CADPS: variants seen among roughly 807,000 people sequenced by gnomAD.
The protein encoded by CADPS is calcium-dependent secretion activator 1.
CADPS carries 57 observed loss-of-function variants against 167.3 expected under a neutral mutation model. That is an observed-to-expected ratio of 0.34 (90% CI 0.28 to 0.42). The LOEUF (loss-of-function observed/expected upper bound fraction) is 0.42, where lower values mean the gene tolerates loss of function less well. Among genes scored for constraint, CADPS ranks in the 20% least tolerant of loss-of-function variants. The probability of loss-of-function intolerance (pLI) is 1.00; values close to 1 mark genes in which losing one functional copy is unlikely to be tolerated. For synonymous variants in CADPS, 676 were observed against 635.3 expected (o/e 1.06, Z -0.96); for missense variants, 1,414 against 1,738.1 (o/e 0.81, Z 3.32).
intron 6 of CADPS, among the ~76,000 whole-genome samples, chr3:62,599,356 T>G (rs971732210): frequency 6.6e-6 from 1 of 150,498 alleles, no homozygotes; most frequent in African/African-American, 2.4e-5. Flanking sequence ...TGCCAGGCCC[T>G]GGGCTTAGTG....
intron 3 of CADPS, among the ~76,000 whole-genome samples, chr3:62,665,349 A>G (rs1012227021): frequency 2.0e-5 from 3 of 152,204 alleles, no homozygotes; most frequent in Non-Finnish European, 1.5e-5. Flanking sequence ...AAAATTCCAC[A>G]TGTGAAACAA....
At chr3:62,840,070 T>C (rs530406682) in intron 1 of CADPS, among the ~76,000 whole-genome samples, 4 of 152,272 alleles carry the variant, frequency 2.6e-5, no homozygotes, top group Non-Finnish European at 2.9e-5. Flanking sequence ...CTAACAAAGA[T>C]TAAATTTGAT....
At chr3:62,502,645 G>A (rs1487934551) in intron 17 of CADPS, among the ~76,000 whole-genome samples, 1 of 152,132 alleles carries the variant, frequency 6.6e-6, no homozygotes, top group African/African-American at 2.4e-5. Context: ...TCTCAGCTTA[G>A]TGTTCCAAAC....
intron 6 of CADPS, among the ~76,000 whole-genome samples, chr3:62,608,409 A>G (rs745350031): frequency 6.6e-6 from 1 of 151,678 alleles, no homozygotes; most frequent in African/African-American, 2.4e-5. Flanking sequence ...CAAACTCCTG[A>G]GTAGCTGGGA....
intron 24 of CADPS, among the ~76,000 whole-genome samples, chr3:62,472,314 T>G (rs2060723237): frequency 6.6e-6 from 1 of 152,184 alleles, no homozygotes; most frequent in Non-Finnish European, 1.5e-5. Context: ...ACTACAAAAT[T>G]GTACATGTTA....
intron 17 of CADPS, among the ~76,000 whole-genome samples, chr3:62,505,420 C>A (rs1159822710): frequency 2.6e-5 from 4 of 152,176 alleles, no homozygotes; most frequent in African/African-American, 9.7e-5. Flanking sequence ...CAGTCTACCT[C>A]CAAAATGTCT....
At chr3:62,777,312 T>G (rs966327112) in intron 1 of CADPS, among the ~76,000 whole-genome samples, 5 of 152,290 alleles carry the variant, frequency 3.3e-5, no homozygotes, top group Non-Finnish European at 7.3e-5. Context: ...TTGATTTAGA[T>G]AAGAACATTA....
intron 3 of CADPS, among the ~76,000 whole-genome samples, chr3:62,675,670 C>G (rs533188902): frequency 6.6e-6 from 1 of 152,040 alleles, no homozygotes; most frequent in Non-Finnish European, 1.5e-5. Context: ...CCTAGGGTCT[C>G]GTAATCTAAT....
intron 2 of CADPS, among the ~76,000 whole-genome samples, chr3:62,765,407 A>G (rs2086582754): frequency 6.6e-6 from 1 of 152,164 alleles, no homozygotes; most frequent in African/African-American, 2.4e-5. Context: ...TTTTTAAAAA[A>G]AGAATAAGGA....
chr3:62,415,116 C>T (rs1318257856), intron 28 of CADPS, among the ~76,000 whole-genome samples: 1 of 151,712 alleles, frequency 6.6e-6, no homozygotes, highest in East Asian at 1.9e-4. Context: ...ACTTCTTTCC[C>T]TCTTTCTCTA....
chr3:62,858,456 G>A (rs544143348), intron 1 of CADPS, among the ~76,000 whole-genome samples: 1 of 152,268 alleles, frequency 6.6e-6, no homozygotes, highest in South Asian at 2.1e-4. Flanking sequence ...CTGTGAGCCA[G>A]CTGTATTCCA....
At chr3:62,864,314 T>C (rs531132712) in intron 1 of CADPS, among the ~76,000 whole-genome samples, 2 of 152,160 alleles carry the variant, frequency 1.3e-5, no homozygotes, top group East Asian at 1.9e-4. Context: ...GTAGAGATGT[T>C]AGTAGCTAAA....
intron 6 of CADPS, among the ~76,000 whole-genome samples, chr3:62,616,704 A>T (rs1425464614): frequency 6.6e-6 from 1 of 152,194 alleles, no homozygotes; most frequent in East Asian, 1.9e-4. Context: ...TACATATAGC[A>T]TATGGTATAT....
chr3:62,699,879 G>A (rs1368692938), intron 3 of CADPS, among the ~76,000 whole-genome samples: 1 of 152,066 alleles, frequency 6.6e-6, no homozygotes, highest in East Asian at 1.9e-4. Context: ...AGTTGTATCG[G>A]AACACAGACA....
intron 1 of CADPS, among the ~76,000 whole-genome samples, chr3:62,870,074 C>G (rs1185536756): frequency 6.6e-6 from 1 of 152,134 alleles, no homozygotes; most frequent in Non-Finnish European, 1.5e-5. Context: ...TGGTATTCCG[C>G]ATCTTCAGAA....
chr3:62,564,396 G>A lies in CADPS; in HGVS notation c.1644+6476C>T, dbSNP rs917501575. ...TTAGTTTCCTCTAATGTGAAGTTGC[G>A]AAAAGCCTTGTCCTCACTGTAGTAC... is the stretch of plus-strand genomic sequence containing the variant. On this transcript the variant is annotated intron_variant, in intron 9 of 29. Transcript: ENST00000383710. Among the ~76,000 whole-genome samples, 11 of 152,198 alleles carry A rather than the reference G, an allele frequency of 7.2e-5. No homozygotes were observed. In the East Asian group the frequency reaches 1.7e-3, roughly 24 times the overall value.
intron 2 of CADPS, among the ~76,000 whole-genome samples, 155 bp downstream of exon 2, chr3:62,765,716 T>TA (rs1461745967): frequency 1.3e-5 from 2 of 152,244 alleles, no homozygotes; most frequent in African/African-American, 4.8e-5. Context: ...AAAATACTGT[T>TA]ATTTCTTAAC....
intron 17 of CADPS, among the ~76,000 whole-genome samples, chr3:62,506,748 G>A (rs975893151): frequency 7.2e-5 from 11 of 152,186 alleles, no homozygotes; most frequent in African/African-American, 2.4e-4. Context: ...ACCATCATGG[G>A]TACTATGACT....
chr3:62,660,852 G>T (rs2073035863), intron 4 of CADPS, among the ~76,000 whole-genome samples: 1 of 152,114 alleles, frequency 6.6e-6, no homozygotes, highest in African/African-American at 2.4e-5. Context: ...GATTAACGGA[G>T]GCCCGTTTAA....
Sources: allele counts gnomAD v4.1 joint callset (sites outside exome capture counted in the v4.1 genomes callset), GRCh38; gene constraint gnomAD v4.1.1; transcripts MANE v1.5; gene names NCBI Gene and HGNC (gene_info 2026-07-23, HGNC 2026-07-21).